The following GRIP1 variants were observed in gnomAD, a reference collection of about 807,000 sequenced individuals.
GRIP1 encodes glutamate receptor-interacting protein 1.
A neutral mutation model predicts 129.9 loss-of-function variants in GRIP1; 45 were observed. The observed-to-expected ratio is 0.35, with a 90% CI of 0.27 to 0.44. The LOEUF is 0.44. Among genes scored for constraint, GRIP1 ranks in the 20% least tolerant of loss-of-function variants. GRIP1 has a pLI of 1.00. For missense variants in GRIP1, 1,196 were observed against 1,396.8 expected, an observed-to-expected ratio of 0.86 and a Z score of 2.29; for synonymous variants, 530 against 520.8, an observed-to-expected ratio of 1.02 and a Z score of -0.24.
chr12:66,981,308 A>AC (rs2042239759), intron 1 of GRIP1, among the ~76,000 whole-genome samples: 1 of 45,872 alleles, frequency 2.2e-5, no homozygotes. Flanking sequence ...ATTTGTGTTC[A>AC]TTGTTACTTC....
intron 1 of GRIP1, among the ~76,000 whole-genome samples, chr12:66,699,120 T>C (rs1367565291): frequency 6.6e-6 from 1 of 152,140 alleles, no homozygotes; most frequent in Non-Finnish European, 1.5e-5. Context: ...CTAAACACCA[T>C]CTTTCCCTTG....
intron 1 of GRIP1, among the ~76,000 whole-genome samples, chr12:66,636,779 T>C (rs57849401): frequency 0.063 from 9,366 of 149,550 alleles, 460 homozygotes; most frequent in African/African-American, 0.13. Context: ...CTCTGTGCCA[T>C]GTGAGGACAT....
At position 66,571,254 on chromosome 12, in the gene GRIP1, T is replaced by C. The variant is rs566884894; in HGVS notation, c.136+25593A>G. ...GATGTGTAAGAGAATATTTACCGATTTGTATTGAGTAAACCACCTGCCAAA... is the reference window on the plus strand; with the variant it reads ...GATGTGTAAGAGAATATTTACCGATCTGTATTGAGTAAACCACCTGCCAAA... On this transcript the variant is annotated intron_variant, in intron 2 of 24. Transcript: ENST00000359742. Among the ~76,000 whole-genome samples, 4 of 152,318 alleles carry C rather than the reference T, an allele frequency of 2.6e-5. No individual in the cohort carries two copies. In the East Asian group the frequency reaches 7.7e-4, roughly 29 times the overall value.
chr12:67,049,909 G>A (rs1266066159), intron 1 of GRIP1, among the ~76,000 whole-genome samples: 1 of 142,474 alleles, frequency 7.0e-6, no homozygotes, highest in Admixed American at 6.9e-5. Flanking sequence ...TAAATAATTG[G>A]TAAAAAAAAG....
At chr12:66,980,479 C>T (rs2042227220) in intron 1 of GRIP1, among the ~76,000 whole-genome samples, 1 of 152,046 alleles carries the variant, frequency 6.6e-6, no homozygotes, top group Non-Finnish European at 1.5e-5. Context: ...GGCGTGGTGG[C>T]ACACGTCTGT....
chr12:66,510,014 C>A (rs1347079298), intron 7 of GRIP1, among the ~76,000 whole-genome samples: 5 of 152,108 alleles, frequency 3.3e-5, no homozygotes, highest in African/African-American at 1.2e-4. Context: ...ACTTTTCCAA[C>A]CACAGGGCTC....
chr12:67,054,962 G>T (rs984389921), intron 1 of GRIP1, among the ~76,000 whole-genome samples: 3 of 152,168 alleles, frequency 2.0e-5, no homozygotes, highest in African/African-American at 7.2e-5. Flanking sequence ...TACTAGTCAA[G>T]TAATACGTGA....
At chr12:66,612,108 T>C (rs1217686083) in intron 1 of GRIP1, among the ~76,000 whole-genome samples, 1 of 152,194 alleles carries the variant, frequency 6.6e-6, no homozygotes, top group Non-Finnish European at 1.5e-5. Flanking sequence ...ATAATGCATA[T>C]AATGACCTTG....
chr12:66,596,055 C>T (rs947542563), intron 2 of GRIP1, among the ~76,000 whole-genome samples: 2 of 152,126 alleles, frequency 1.3e-5, no homozygotes, highest in African/African-American at 4.8e-5. Context: ...ACTCAATTTG[C>T]TTGTATAAAA....
At chr12:66,643,855 T>C (rs1037362003) in intron 1 of GRIP1, among the ~76,000 whole-genome samples, 3 of 152,252 alleles carry the variant, frequency 2.0e-5, no homozygotes, top group African/African-American at 7.2e-5. Context: ...TGAGCCACTA[T>C]GCCTGGCCTG....
At chr12:66,416,996 T>C (rs1018338544) in intron 15 of GRIP1, among the ~76,000 whole-genome samples, 1 of 151,132 alleles carries the variant, frequency 6.6e-6, no homozygotes, top group African/African-American at 2.4e-5. Flanking sequence ...AAAAGAAAAC[T>C]ATGGGCCAAA....
At chr12:66,628,991 T>C (rs891554626) in intron 1 of GRIP1, among the ~76,000 whole-genome samples, 2 of 152,248 alleles carry the variant, frequency 1.3e-5, no homozygotes, top group Non-Finnish European at 2.9e-5. Flanking sequence ...TACTCAACAA[T>C]CATTTTTAAA....
intron 1 of GRIP1, among the ~76,000 whole-genome samples, chr12:67,039,210 C>T (rs2043141244): frequency 6.6e-6 from 1 of 152,142 alleles, no homozygotes; most frequent in Non-Finnish European, 1.5e-5. Context: ...TTCACCAAAG[C>T]ACAACTGGCA....
At chr12:66,573,803 T>C (rs2063046149) in intron 2 of GRIP1, among the ~76,000 whole-genome samples, 1 of 152,194 alleles carries the variant, frequency 6.6e-6, no homozygotes, top group Non-Finnish European at 1.5e-5. Context: ...AGGGTACGGA[T>C]GTGAAACAGG....
Position 66,541,881 on chromosome 12 carries a change from G to C in GRIP1, c.206C>G (p.Ser69Trp), listed in dbSNP as rs1406416797. 51 of 1,613,618 alleles carry C rather than the reference G, an allele frequency of 3.2e-5. No individual in the cohort carries two copies. Among genetic ancestry groups the C allele is most frequent in the Non-Finnish European group, 4.2e-5 (50 of 1,179,700 alleles). Residue 69 changes from serine (S) to tryptophan (W), a missense_variant, in exon 3 of 25, where the codon TCG becomes TGG. Ser to Trp is a radical substitution (Grantham distance 177). This residue lies in a region of GRIP1 where 217 missense variants were observed against 224.8 expected (regional missense o/e 0.97). Coordinates refer to ENST00000359742, the MANE Select transcript of GRIP1 (RefSeq NM_001366722.1). The part of the protein sequence containing the change: ...KEGTTLGLTV[S>W]GGIDKDGKPR... ...CTTGCCATCCTTATCAATTCCTCCC[G>C]ATACCGTCAGACCCAGGGTAGTGCC...
chr12:67,048,814 G>A (rs1231356485), intron 1 of GRIP1, among the ~76,000 whole-genome samples: 1 of 152,118 alleles, frequency 6.6e-6, no homozygotes, highest in Non-Finnish European at 1.5e-5. Context: ...CTCTTTGCCT[G>A]CCACCATCCA....
intron 1 of GRIP1, among the ~76,000 whole-genome samples, chr12:66,790,644 A>G (rs184084174): frequency 4.7e-4 from 72 of 152,302 alleles, no homozygotes; most frequent in African/African-American, 1.6e-3. Flanking sequence ...CCTAGTTTTT[A>G]GAGGATAATG....
At chr12:66,619,031 C>T (rs185875183) in intron 1 of GRIP1, among the ~76,000 whole-genome samples, 15 of 152,212 alleles carry the variant, frequency 9.9e-5, no homozygotes, top group Admixed American at 2.6e-4. Flanking sequence ...GTGTAAACAA[C>T]GTTTCCTTCA....
chr12:66,582,485 A>G (rs895652734), intron 2 of GRIP1, among the ~76,000 whole-genome samples: 87 of 149,374 alleles, frequency 5.8e-4, no homozygotes, highest in Non-Finnish European at 1.1e-3. Flanking sequence ...TGCAGATGAC[A>G]TGATTGTATA....
Sources: allele counts gnomAD v4.1 joint callset (sites outside exome capture counted in the v4.1 genomes callset), GRCh38; gene constraint gnomAD v4.1.1; regional missense constraint gnomAD v4.1.1; transcripts MANE v1.5; gene names NCBI Gene and HGNC (gene_info 2026-07-23, HGNC 2026-07-21).